Variants in USP54 observed in about 807,000 individuals in gnomAD.
USP54 encodes the protein ubiquitin carboxyl-terminal hydrolase 54.
A neutral mutation model predicts 170.5 loss-of-function variants in USP54; 87 were observed. The ratio of observed to expected loss-of-function variants is 0.51; its 90% CI spans 0.43 to 0.61. The LOEUF (loss-of-function observed/expected upper bound fraction) is 0.61, where lower values mean the gene tolerates loss of function less well. Ranked by LOEUF, USP54 falls within the 20% of genes least tolerant of loss-of-function variation. The pLI is 0.00. For missense variants in USP54, 1,786 were observed against 2,047.8 expected, an observed-to-expected ratio of 0.87 and a Z score of 2.47; for synonymous variants, 655 against 742.8, an observed-to-expected ratio of 0.88 and a Z score of 1.92.
chr10:73,515,067 C>CAAA (rs2060843553), intron 20 of USP54, among the ~76,000 whole-genome samples: 1 of 151,508 alleles, frequency 6.6e-6, no homozygotes, highest in Non-Finnish European at 1.5e-5. Flanking sequence ...AATAAAAAAT[C>CAAA]AAATCTTATA....
At chr10:73,512,761 CAA>C (rs1178622280) in intron 20 of USP54, among the ~76,000 whole-genome samples, 1 of 152,040 alleles carries the variant, frequency 6.6e-6, no homozygotes, top group Non-Finnish European at 1.5e-5. Flanking sequence ...CACTACTAGA[CAA>C]AAAAATTAAT....
intron 1 of USP54, among the ~76,000 whole-genome samples, chr10:73,616,825 A>AAAAAC (rs770662219): frequency 8.6e-5 from 13 of 150,472 alleles, no homozygotes; most frequent in South Asian, 4.1e-4. Flanking sequence ...ACTCTGTCTC[A>AAAAAC]AAAACAAAAC....
intron 4 of USP54, 138 bp from the exon 5 acceptor site, chr10:73,545,810 G>T: frequency 1.1e-6 from 1 of 925,098 alleles, no homozygotes; most frequent in Non-Finnish European, 1.6e-6. Flanking sequence ...CATGCTTGCA[G>T]TTAGTAATTA....
At chr10:73,569,981 A>C (rs2074789971) in intron 4 of USP54, among the ~76,000 whole-genome samples, 2 of 147,282 alleles carry the variant, frequency 1.4e-5, no homozygotes, top group Non-Finnish European at 3.0e-5. Context: ...ATTTTGAGTC[A>C]GTTATTGCAA....
chr10:73,549,389 G>A (rs957531964), intron 4 of USP54, among the ~76,000 whole-genome samples: 4 of 152,142 alleles, frequency 2.6e-5, no homozygotes, highest in African/African-American at 7.2e-5. Flanking sequence ...TATATTGGAC[G>A]TCTACATTTG....
chr10:73,539,055 C>T (rs888060378), intron 10 of USP54, among the ~76,000 whole-genome samples: 1 of 151,704 alleles, frequency 6.6e-6, no homozygotes, highest in African/African-American at 2.4e-5. Flanking sequence ...CTGAGGTAGG[C>T]GGATCACAAG....
intron 1 of USP54, among the ~76,000 whole-genome samples, chr10:73,602,728 C>T (rs183772926): frequency 2.0e-5 from 3 of 151,324 alleles, no homozygotes; most frequent in Non-Finnish European, 2.9e-5. Context: ...TGGTGGTGTG[C>T]GCCTGTAGTC....
intron 12 of USP54, among the ~76,000 whole-genome samples, chr10:73,532,317 C>A (rs993681499): frequency 6.6e-6 from 1 of 152,124 alleles, no homozygotes; most frequent in Non-Finnish European, 1.5e-5. Flanking sequence ...GGACTACAGA[C>A]GCCTGCCACC....
At chr10:73,545,479 T>G (rs1467208759) in intron 5 of USP54, 59 bp downstream of exon 5, 14 of 1,598,064 alleles carry the variant, frequency 8.8e-6, no homozygotes, top group Non-Finnish European at 1.0e-5. Context: ...AGCCAGTCCC[T>G]GATGGAGACC....
chr10:73,556,491 AC>A (rs1364805863), intron 4 of USP54, among the ~76,000 whole-genome samples: 1 of 151,650 alleles, frequency 6.6e-6, no homozygotes, highest in Non-Finnish European at 1.5e-5. Flanking sequence ...GATTACAGGC[AC>A]CTGCCACCAC....
chr10:73,525,691 C>T (rs570715853), intron 16 of USP54, among the ~76,000 whole-genome samples: 3 of 152,218 alleles, frequency 2.0e-5, no homozygotes, highest in Admixed American at 6.5e-5. Flanking sequence ...ATGTCTTCCA[C>T]GTGTCTCTAA....
At chr10:73,593,075 T>A (rs1039494594), upstream of USP54, among the ~76,000 whole-genome samples, 1 of 152,094 alleles carries the variant, frequency 6.6e-6, no homozygotes, top group Non-Finnish European at 1.5e-5. Flanking sequence ...AAAGGTTTTA[T>A]AGGCCGGGTG....
intron 1 of USP54, among the ~76,000 whole-genome samples, chr10:73,611,790 C>T (rs2080172402): frequency 6.7e-6 from 1 of 148,370 alleles, no homozygotes; most frequent in African/African-American, 2.5e-5. Context: ...AGCGGGACTC[C>T]ATCTCAAAAA....
In USP54 at chr10:73,561,877, CA is replaced by C. The variant is rs548995174; in HGVS notation, c.240+9543del. 1.8e-4 allele frequency among the ~76,000 whole-genome samples: 28 copies of C among 152,114 alleles called. No homozygotes were observed. The East Asian group carries it at 5.4e-3, about 29-fold the overall frequency. ...GATCTGGAAAAAAGTAATCTTTTTA[CA>C]AAAACAGTGGGCAAAAAGACTTACT... On this transcript the variant is annotated intron_variant, in intron 4 of 23. Transcript: ENST00000687698.
At chr10:73,522,866 C>T (rs2062133552) in intron 17 of USP54, among the ~76,000 whole-genome samples, 1 of 152,156 alleles carries the variant, frequency 6.6e-6, no homozygotes, top group South Asian at 2.1e-4. Context: ...CACTTACAAA[C>T]TGGGACCTTC....
upstream of USP54, among the ~76,000 whole-genome samples, chr10:73,594,679 A>G (rs1316527698): frequency 6.6e-6 from 1 of 152,150 alleles, no homozygotes; most frequent in African/African-American, 2.4e-5. Context: ...ACTGCTTTAT[A>G]TCAAATGAAA....
chr10:73,541,237 T>C, intron 9 of USP54, 138 bp downstream of exon 9: 1 of 1,290,830 alleles, frequency 7.7e-7, no homozygotes, highest in Admixed American at 2.5e-5. Flanking sequence ...CGGGTATCTG[T>C]ACACAAATAA....
At chr10:73,585,174 T>TA (rs774698645) in intron 1 of USP54, among the ~76,000 whole-genome samples, 25 of 152,218 alleles carry the variant, frequency 1.6e-4, no homozygotes, top group Non-Finnish European at 2.5e-4. Flanking sequence ...AGTCTACTGC[T>TA]AGCACTACAG....
chr10:73,543,648 G>T (rs1045077109), intron 5 of USP54, among the ~76,000 whole-genome samples: 2 of 152,194 alleles, frequency 1.3e-5, no homozygotes, highest in Non-Finnish European at 2.9e-5. Flanking sequence ...TTACAGGCGT[G>T]AGCCACCGCA....
Sources: gnomAD v4.1 joint callset for allele counts (sites outside exome capture counted in the v4.1 genomes callset) on GRCh38, gnomAD v4.1.1 for gene constraint, MANE v1.5 for transcripts, NCBI Gene and HGNC (gene_info 2026-07-23, HGNC 2026-07-21) for gene names.